The following PIBF1 variants were observed in gnomAD, a reference collection of about 807,000 sequenced individuals.
The protein encoded by PIBF1 is progesterone immunomodulatory binding factor 1, also known as progesterone-induced-blocking factor 1.
In PIBF1, 90 loss-of-function variants were observed where a neutral mutation model predicts 112.5. The ratio of observed to expected loss-of-function variants is 0.80; its 90% confidence interval spans 0.67 to 0.95. The LOEUF is 0.95. Among genes scored for constraint, PIBF1 ranks in the 40% least tolerant of loss-of-function variants. The pLI is 0.00. For synonymous variants in PIBF1, 301 were observed against 288.6 expected (o/e 1.04, Z -0.44); for missense variants, 915 against 852.3 (o/e 1.07, Z -0.92).
At chr13:72,827,314 T>A (rs1182735907) in intron 7 of PIBF1, among the ~76,000 whole-genome samples, 196 bp downstream of exon 7, 1 of 149,078 alleles carries the variant, frequency 6.7e-6, no homozygotes, top group Non-Finnish European at 1.5e-5. Flanking sequence ...AGTGGTGCGA[T>A]CTTGGCTCAC....
intron 10 of PIBF1, among the ~76,000 whole-genome samples, chr13:72,866,712 C>T (rs1345329334): frequency 6.6e-6 from 1 of 152,074 alleles, no homozygotes; most frequent in East Asian, 1.9e-4. Context: ...TTCATTTAGG[C>T]CATTTAATTG....
intron 14 of PIBF1, among the ~76,000 whole-genome samples, chr13:72,949,138 G>T (rs1007803489): frequency 6.6e-6 from 1 of 152,210 alleles, no homozygotes. Context: ...TGTAATATAT[G>T]ATATGACCAT....
At chr13:72,877,389 G>A (rs781616316) in intron 10 of PIBF1, among the ~76,000 whole-genome samples, 5 of 152,102 alleles carry the variant, frequency 3.3e-5, no homozygotes, top group Non-Finnish European at 5.9e-5. Flanking sequence ...AGTGATGCTG[G>A]CCTCATATAA....
intron 10 of PIBF1, among the ~76,000 whole-genome samples, chr13:72,878,528 T>C (rs1176925476): frequency 1.3e-5 from 2 of 152,212 alleles, no homozygotes; most frequent in Admixed American, 6.5e-5. Flanking sequence ...CTTTTAACTT[T>C]GTTCATGTGT....
At chr13:72,974,993 A>G (rs551276398) in intron 16 of PIBF1, among the ~76,000 whole-genome samples, 122 of 152,070 alleles carry the variant, frequency 8.0e-4, no homozygotes, top group African/African-American at 2.8e-3. Context: ...TTTCTACTGA[A>G]CTATCACTGC....
chr13:72,790,345 TTAA>T (rs1297198335), intron 2 of PIBF1, among the ~76,000 whole-genome samples: 11 of 151,840 alleles, frequency 7.2e-5, no homozygotes, highest in Admixed American at 2.0e-4. Flanking sequence ...GTAAAATATA[TTAA>T]TAAGTTCAGT....
chr13:72,926,561 C>G lies in PIBF1; in HGVS notation c.1731-4604C>G, dbSNP rs144389509. 2.6e-5 allele frequency among the ~76,000 whole-genome samples: 4 copies of G among 152,148 alleles called. No homozygotes were observed. The East Asian group carries it at 7.7e-4, about 29-fold the overall frequency. On this transcript the variant is annotated intron_variant, in intron 13 of 17. Transcript: ENST00000326291. The stretch of plus-strand genomic sequence containing the variant: ...CTGATAGAGCACTCTTTCTAAAGTG[C>G]GGGCCAGATCGTGTTATGTCTAACC...
intron 6 of PIBF1, among the ~76,000 whole-genome samples, chr13:72,826,603 C>G (rs1470413900): frequency 6.6e-6 from 1 of 151,510 alleles, no homozygotes; most frequent in Non-Finnish European, 1.5e-5. Flanking sequence ...TACGTATCTA[C>G]TATGCAATCT....
At chr13:72,833,272 A>G (rs149067434) in intron 8 of PIBF1, among the ~76,000 whole-genome samples, 12 of 152,246 alleles carry the variant, frequency 7.9e-5, no homozygotes, top group African/African-American at 2.6e-4. Flanking sequence ...ACTTCTGTCA[A>G]TTCATGAAAC....
chr13:72,913,071 A>AGG (rs1566439986), intron 12 of PIBF1, among the ~76,000 whole-genome samples: 1 of 150,956 alleles, frequency 6.6e-6, no homozygotes, highest in East Asian at 1.9e-4. Flanking sequence ...TTTTTTTTTT[A>AGG]TTTTTAAAAA....
intron 17 of PIBF1, among the ~76,000 whole-genome samples, chr13:73,013,256 G>C (rs1260115765): frequency 1.4e-5 from 2 of 140,776 alleles, no homozygotes; most frequent in African/African-American, 2.8e-5. Context: ...AGCCGAGATC[G>C]CGCCACTGCA....
chr13:72,784,548 C>T (rs1440093705), intron 2 of PIBF1, among the ~76,000 whole-genome samples: 2 of 151,970 alleles, frequency 1.3e-5, no homozygotes, highest in East Asian at 3.9e-4. Flanking sequence ...GCTCCAAGCT[C>T]AGGAGTTCGA....
At chr13:72,833,578 G>C (rs1190874281) in intron 8 of PIBF1, among the ~76,000 whole-genome samples, 1 of 152,352 alleles carries the variant, frequency 6.6e-6, no homozygotes, top group African/African-American at 2.4e-5. Context: ...ACCAGCGGAG[G>C]CTGCAGAACA....
At chr13:72,823,680 A>G (rs1030350102) in intron 6 of PIBF1, among the ~76,000 whole-genome samples, 4 of 152,238 alleles carry the variant, frequency 2.6e-5, no homozygotes, top group Admixed American at 2.0e-4. Context: ...AATGGAAAAT[A>G]AATTGAGATT....
At chr13:72,817,530 A>G (rs2036333426) in intron 5 of PIBF1, among the ~76,000 whole-genome samples, 1 of 152,136 alleles carries the variant, frequency 6.6e-6, no homozygotes, top group African/African-American at 2.4e-5. Context: ...CCTTCTATAT[A>G]ATAGGCAGAG....
chr13:73,013,630 G>A (rs777975896), intron 17 of PIBF1, among the ~76,000 whole-genome samples: 13 of 151,076 alleles, frequency 8.6e-5, no homozygotes, highest in South Asian at 2.1e-4. Context: ...CCAGGTACTC[G>A]GAAGGCTGAG....
rs555993458 is a variant in PIBF1, at chr13:72,871,362, A to G, written c.1322+17207A>G. 1.3e-4 allele frequency among the ~76,000 whole-genome samples: 19 copies of G among 151,812 alleles called. No homozygotes were observed. In the South Asian group the frequency reaches 1.7e-3, roughly 13 times the overall value. ...GCTCTGTCGCCCAGGCTGGAGTGCA[A>G]TGGCGCAATCTTGGCTCACTGCAAC... On this transcript the variant is annotated intron_variant, in intron 10 of 17. Transcript: ENST00000326291.
intron 16 of PIBF1, among the ~76,000 whole-genome samples, chr13:72,995,128 C>T (rs1000949183): frequency 5.9e-5 from 9 of 151,740 alleles, no homozygotes; most frequent in Non-Finnish European, 8.8e-5. Context: ...GGTGAAACCC[C>T]GTCTCTACTA....
chr13:72,839,302 G>A (rs911143007), intron 9 of PIBF1, among the ~76,000 whole-genome samples: 2 of 152,198 alleles, frequency 1.3e-5, no homozygotes. Context: ...TTGGTTGGAT[G>A]AGAACTCGTT....
Sources: gnomAD v4.1 joint callset for allele counts (sites outside exome capture counted in the v4.1 genomes callset) on GRCh38, gnomAD v4.1.1 for gene constraint, MANE v1.5 for transcripts, NCBI Gene and HGNC (gene_info 2026-07-23, HGNC 2026-07-21) for gene names.